The following FDX1 variants were observed in gnomAD, a reference collection of about 807,000 sequenced individuals.
FDX1 encodes the protein ferredoxin 1.
FDX1 carries 9 observed loss-of-function variants against 14.9 expected under a neutral mutation model. The observed-to-expected ratio is 0.60, with a 90% CI of 0.36 to 1.05. The LOEUF is 1.05. FDX1 is among the 50% of genes least tolerant of loss of function. The pLI, the probability that FDX1 is intolerant of heterozygous loss-of-function variation, is 0.01. For synonymous variants in FDX1, 92 were observed against 99.4 expected (o/e 0.93, Z 0.44); for missense variants, 204 against 237.2 (o/e 0.86, Z 0.92).
At chr11:110,444,743 T>TATATAC (rs1369789746) in intron 2 of FDX1, among the ~76,000 whole-genome samples, 491 of 44,730 alleles carry the variant, frequency 0.011, 39 homozygotes, top group African/African-American at 0.046. Context: ...TATATATATA[T>TATATAC]ACACGTATAT....
chr11:110,447,288 A>C (rs910832258), intron 2 of FDX1, among the ~76,000 whole-genome samples: 22 of 76,934 alleles, frequency 2.9e-4, no homozygotes, highest in African/African-American at 1.0e-3. Context: ...AAAAAAAAAA[A>C]AAAAAAAAAA....
At position 110,448,113 on chromosome 11, in the gene FDX1, C is replaced by G. The variant is rs141849650; in HGVS notation, c.311-8805C>G. 3.0e-3 allele frequency among the ~76,000 whole-genome samples: 464 copies of G among 152,260 alleles called. 1 individual carries two copies. The highest frequency in any genetic ancestry group is 0.01 in the African/African-American group (431 of 41,550). On this transcript the variant is annotated intron_variant, in intron 2 of 3. Transcript: ENST00000260270. ...CAGAGTGTATCATAATATTCTGTCA[C>G]TAGGGGGCAGTTACACACCTGAGAT...
chr11:110,460,772 A>G (rs1946551632), intron 3 of FDX1, among the ~76,000 whole-genome samples: 1 of 152,214 alleles, frequency 6.6e-6, no homozygotes, highest in African/African-American at 2.4e-5. Flanking sequence ...GGAAACTACC[A>G]TTTGGTGAGG....
intron 2 of FDX1, among the ~76,000 whole-genome samples, chr11:110,455,366 T>C (rs2134691253): frequency 6.6e-6 from 1 of 152,240 alleles, no homozygotes; most frequent in East Asian, 1.9e-4. Context: ...GGAACAACTC[T>C]AGTTAAAATG....
chr11:110,454,433 C>T (rs1946508719), intron 2 of FDX1, among the ~76,000 whole-genome samples: 1 of 152,076 alleles, frequency 6.6e-6, no homozygotes, highest in Non-Finnish European at 1.5e-5. Flanking sequence ...CCTTTTATCT[C>T]CATTTAATGT....
At chr11:110,442,544 T>TG (rs1946411343) in intron 2 of FDX1, among the ~76,000 whole-genome samples, 1 of 152,230 alleles carries the variant, frequency 6.6e-6, no homozygotes, top group Non-Finnish European at 1.5e-5. Flanking sequence ...TGGACTTGCA[T>TG]GGGGTCTGTA....
At position 110,429,991 on chromosome 11, in the gene FDX1, A is replaced by G. The variant is rs1417258311; in HGVS notation, c.-130A>G. The G allele has an allele frequency of 5.4e-6, 3 of 552,750 alleles. No individual in the cohort carries two copies. Among genetic ancestry groups the G allele is most frequent in the South Asian group, 1.9e-4 (2 of 10,718 alleles). 34.2% of individuals were successfully genotyped at this position (552,750 alleles called of 1,614,324 possible). A position where few individuals can be genotyped will look rare whatever the true frequency, so the allele number is the denominator to read the frequency against. The stretch of plus-strand genomic sequence containing the variant: ...GTGCTTCCAGCAGGGTCTCTCCGCC[A>G]CTCCAGCCCCGCGCCCCTCGCCGCG... On this transcript the variant is annotated 5_prime_UTR_variant, in exon 1 of 4. Transcript: ENST00000260270.
At chr11:110,459,516 C>T (rs944355082) in intron 3 of FDX1, among the ~76,000 whole-genome samples, 4 of 152,212 alleles carry the variant, frequency 2.6e-5, no homozygotes, top group Non-Finnish European at 5.9e-5. Flanking sequence ...GGTAACACCC[C>T]TGATTTAAAT....
At chr11:110,460,809 A>G (rs889792287) in intron 3 of FDX1, among the ~76,000 whole-genome samples, 5 of 152,242 alleles carry the variant, frequency 3.3e-5, no homozygotes, top group South Asian at 2.1e-4. Context: ...TGAACATGGT[A>G]TATTAAGTGC....
intron 2 of FDX1, among the ~76,000 whole-genome samples, chr11:110,444,017 G>GT (rs1946422221): frequency 6.6e-6 from 1 of 151,788 alleles, no homozygotes; most frequent in Admixed American, 6.6e-5. Context: ...TAGGTTGTCT[G>GT]TTTACTTTGT....
intron 2 of FDX1, among the ~76,000 whole-genome samples, chr11:110,450,126 G>T (rs1006454686): frequency 3.9e-5 from 6 of 152,192 alleles, no homozygotes; most frequent in Non-Finnish European, 8.8e-5. Context: ...CAAGGTTGGG[G>T]TGGGGATGGA....
At chr11:110,454,383 A>G (rs573697857) in intron 2 of FDX1, among the ~76,000 whole-genome samples, 1 of 152,186 alleles carries the variant, frequency 6.6e-6, no homozygotes, top group Non-Finnish European at 1.5e-5. Flanking sequence ...ACAAAAAGCA[A>G]TGTCCTTTGT....
In FDX1 at chr11:110,430,287, C is replaced by G; in HGVS notation, c.167C>G (p.Ser56Trp). 1 of 1,199,296 alleles carries G rather than the reference C, an allele frequency of 8.3e-7. No individual in the cohort carries two copies. Among genetic ancestry groups the G allele is most frequent in the Non-Finnish European group, 1.0e-6 (1 of 966,860 alleles). The allele number at this position is 1,199,296 out of a possible 1,614,324, so 74.3% of individuals were successfully genotyped here. The change falls in exon 1 of 4, where the codon TCG becomes TGG. Residue 56 changes from serine to tryptophan, a missense_variant. By Grantham distance (177) the Ser-to-Trp change is radical. Coordinates refer to ENST00000260270, the MANE Select transcript of FDX1 (RefSeq NM_004109.5). The part of the protein sequence containing the change: ...SAEASRSLSV[S>W]ARARSSSEDK... ...GAGGCGAGCCGGTCGCTGAGCGTGTCGGCGCGGGCCCGGAGCAGGTAGGGC... is the reference window on the plus strand; with the variant it reads ...GAGGCGAGCCGGTCGCTGAGCGTGTGGGCGCGGGCCCGGAGCAGGTAGGGC...
intron 2 of FDX1, among the ~76,000 whole-genome samples, chr11:110,443,009 G>A (rs1352516266): frequency 2.6e-5 from 4 of 152,142 alleles, no homozygotes; most frequent in East Asian, 1.9e-4. Flanking sequence ...TCTGCCTGAC[G>A]CCATCCATGT....
chr11:110,457,123 C>A (rs376976408), intron 3 of FDX1, 76 bp downstream of exon 3: 36 of 1,317,168 alleles, frequency 2.7e-5, no homozygotes, highest in Non-Finnish European at 3.6e-5. Context: ...CTATGTAAGA[C>A]CAGACCCATA....
chr11:110,456,886 G>A, intron 2 of FDX1, 32 bp from the exon 3 acceptor site: 1 of 1,594,890 alleles, frequency 6.3e-7, no homozygotes, highest in Non-Finnish European at 8.6e-7. Context: ...GATGTAGAAG[G>A]GACTATGTTC....
At chr11:110,435,747 C>A in intron 1 of FDX1, 87 bp from the exon 2 acceptor site, 1 of 1,012,670 alleles carries the variant, frequency 9.9e-7, no homozygotes, top group Non-Finnish European at 1.4e-6. Context: ...CCCATCTACT[C>A]TGGAGGCCTT....
At chr11:110,462,117 A>G (rs1184833253) in intron 3 of FDX1, among the ~76,000 whole-genome samples, 1 of 152,176 alleles carries the variant, frequency 6.6e-6, no homozygotes, top group Non-Finnish European at 1.5e-5. Context: ...GATAATAGGA[A>G]CCAAAGGCTA....
chr11:110,434,989 A>G (rs1433480632), intron 1 of FDX1, among the ~76,000 whole-genome samples: 1 of 151,784 alleles, frequency 6.6e-6, no homozygotes, highest in Non-Finnish European at 1.5e-5. Flanking sequence ...TCCTGGGCTC[A>G]AGCAGTCCCC....
Sources: allele counts gnomAD v4.1 joint callset (sites outside exome capture counted in the v4.1 genomes callset), GRCh38; gene constraint gnomAD v4.1.1; transcripts MANE v1.5; gene names NCBI Gene and HGNC (gene_info 2026-07-23, HGNC 2026-07-21).